DENND10: variants seen among roughly 807,000 people sequenced by gnomAD.
DENND10 encodes the protein DENN domain containing 10.
Under a neutral mutation model 43.6 loss-of-function variants are expected in DENND10, and 24 were observed. That is an observed-to-expected ratio of 0.55 (90% CI 0.40 to 0.77). The LOEUF is 0.77. Ranked by LOEUF, DENND10 falls within the 30% of genes least tolerant of loss-of-function variation. The pLI is 0.00. For missense variants in DENND10, 303 were observed against 429.9 expected, an observed-to-expected ratio of 0.70 and a Z score of 2.61; for synonymous variants, 125 against 157.6, an observed-to-expected ratio of 0.79 and a Z score of 1.55.
Position 119,122,286 on chromosome 10 carries a change from C to T in DENND10, c.594-1183C>T, listed in dbSNP as rs76388503. Among the ~76,000 whole-genome samples the T allele has an allele frequency of 6.0e-3, 920 of 152,178 alleles. 3 individuals are homozygous for T. The highest frequency in any genetic ancestry group is 0.014 in the Middle Eastern group (4 of 294). ...TCACGTCACTGCACCCCAGCCTGGA[C>T]GACGGAGTGAGGCCCTGTCACAGAA... On this transcript the variant is annotated intron_variant, in intron 5 of 8. Transcript: ENST00000361432.
intron 6 of DENND10, among the ~76,000 whole-genome samples, chr10:119,128,048 C>G (rs949999599): frequency 1.3e-5 from 2 of 152,170 alleles, no homozygotes; most frequent in African/African-American, 4.8e-5. Context: ...TGGGATGGCT[C>G]ATGCCTGTAA....
chr10:119,111,756 T>C, intron 2 of DENND10, 93 bp from the exon 3 acceptor site: 1 of 962,230 alleles, frequency 1.0e-6, no homozygotes, highest in Non-Finnish European at 1.6e-6. Flanking sequence ...AATACTGTTG[T>C]GTCTTATACA....
At chr10:119,117,821 GC>G (rs747818257) in intron 4 of DENND10, among the ~76,000 whole-genome samples, 154 bp downstream of exon 4, 8 of 152,100 alleles carry the variant, frequency 5.3e-5, no homozygotes, top group Non-Finnish European at 1.0e-4. Flanking sequence ...CAAAAAATTA[GC>G]CGGGCGTGGT....
chr10:119,129,264 G>C (rs946318625), intron 6 of DENND10, among the ~76,000 whole-genome samples: 1 of 152,204 alleles, frequency 6.6e-6, no homozygotes, highest in African/African-American at 2.4e-5. Flanking sequence ...AGCAATGATT[G>C]GAAAGTAAAT....
intron 3 of DENND10, among the ~76,000 whole-genome samples, chr10:119,116,599 A>C (rs1845285745): frequency 6.6e-6 from 1 of 152,104 alleles, no homozygotes; most frequent in Non-Finnish European, 1.5e-5. Context: ...TCCCAGATGT[A>C]AGGAGATGGC....
At chr10:119,108,995 A>C (rs912114797) in intron 2 of DENND10, among the ~76,000 whole-genome samples, 1 of 151,826 alleles carries the variant, frequency 6.6e-6, no homozygotes, top group Non-Finnish European at 1.5e-5. Context: ...CAGGCGCATC[A>C]CCTGAGGTTG....
At position 119,104,117 on chromosome 10, in the gene DENND10, A is replaced by T; in HGVS notation, c.-26A>T. ...GAGGCCGGTCCTGCAGGCGGCAGCC[A>T]GAGCTGCGCGCCGCGGCGGCGGAAG... On this transcript the variant is annotated 5_prime_UTR_variant, in exon 1 of 9. Transcript: ENST00000361432. 6.7e-7 allele frequency: 1 copy of T among 1,494,030 alleles called. No individual in the cohort carries two copies. The highest frequency in any genetic ancestry group is 2.8e-5 in the East Asian group (1 of 35,538). The allele number at this position is 1,494,030 out of a possible 1,614,324, so 92.5% of individuals were successfully genotyped here.
intron 3 of DENND10, chr10:119,114,150 C>T (rs935614712): frequency 1.3e-5 from 2 of 152,144 alleles, no homozygotes; most frequent in Non-Finnish European, 2.9e-5. Flanking sequence ...TTTCTTCTCC[C>T]GTCACAGTGC....
rs924578031 is a variant in DENND10 at position 119,132,151 on chromosome 10, A to C, written c.803-364A>C. On this transcript the variant is annotated intron_variant, in intron 7 of 8. Coordinates refer to ENST00000361432, the MANE Select transcript of DENND10 (RefSeq NM_207009.4). The surrounding 1 kb of genome is among the most constrained non-coding windows in gnomAD (Gnocchi z 4.2). Reference sequence around the variant, plus strand: ...TTCCCGCCAAAAAGATACATTTCTTAACTGTAAAGAGCTGGACTAGAACGT... The same window carrying C: ...TTCCCGCCAAAAAGATACATTTCTTCACTGTAAAGAGCTGGACTAGAACGT... Among the ~76,000 whole-genome samples, 47 of 152,216 alleles carry C rather than the reference A, an allele frequency of 3.1e-4. No individual in the cohort carries two copies. The highest frequency in any genetic ancestry group is 3.5e-4 in the Non-Finnish European group (24 of 68,046).
intron 6 of DENND10, 30 bp downstream of exon 6, chr10:119,123,599 G>A: frequency 1.6e-6 from 2 of 1,239,234 alleles, no homozygotes; most frequent in Non-Finnish European, 2.3e-6. Flanking sequence ...GGGAGGAACT[G>A]TTTCACTTTT....
intron 8 of DENND10, 88 bp from the exon 9 acceptor site, chr10:119,136,383 G>C: frequency 6.8e-7 from 1 of 1,464,774 alleles, no homozygotes; most frequent in South Asian, 1.3e-5. Context: ...TTTATAAACA[G>C]TCTGGAAAAA....
chr10:119,116,278 C>CATCTAACGTTA (rs1845270899), intron 3 of DENND10, among the ~76,000 whole-genome samples: 1 of 152,102 alleles, frequency 6.6e-6, no homozygotes, highest in Non-Finnish European at 1.5e-5. Flanking sequence ...TTTAACTTGA[C>CATCTAACGTTA]GATGAATGTC....
intron 8 of DENND10, 152 bp from the exon 9 acceptor site, chr10:119,136,319 C>T: frequency 1.2e-6 from 1 of 858,708 alleles, no homozygotes; most frequent in South Asian, 2.0e-5. Flanking sequence ...CCACGGTCTC[C>T]CAAAGTGCTG....
At chr10:119,116,176 GTTGCTCACA>G (rs1370443299) in intron 3 of DENND10, among the ~76,000 whole-genome samples, 1 of 152,174 alleles carries the variant, frequency 6.6e-6, no homozygotes, top group East Asian at 1.9e-4. Flanking sequence ...TTTAATTTTA[GTTGCTCACA>G]GGAAGAGATT....
Position 119,108,476 on chromosome 10 carries a change from C to T in DENND10, c.252+312C>T, listed in dbSNP as rs185119005. Among the ~76,000 whole-genome samples the T allele has an allele frequency of 4.2e-3, 387 of 92,194 alleles. 2 individuals are homozygous for T. Among genetic ancestry groups the T allele is most frequent in the African/African-American group, 0.012 (354 of 29,014 alleles). The allele number at this position is 92,194 out of a possible 152,430, so 60.5% of individuals were successfully genotyped here. A position where few individuals can be genotyped will look rare whatever the true frequency, so the allele number is the denominator to read the frequency against. On this transcript the variant is annotated intron_variant, in intron 2 of 8. Coordinates refer to ENST00000361432, the MANE Select transcript of DENND10 (RefSeq NM_207009.4). ...CCAGCCTGGCGACAGAGCGAGACTCCGTCTCAAAAAAAAAAAAAAAAAGAA... is the reference window on the plus strand; with the variant it reads ...CCAGCCTGGCGACAGAGCGAGACTCTGTCTCAAAAAAAAAAAAAAAAAGAA...
At chr10:119,135,407 A>G (rs560644574) in intron 8 of DENND10, among the ~76,000 whole-genome samples, 3 of 152,318 alleles carry the variant, frequency 2.0e-5, no homozygotes, top group Non-Finnish European at 4.4e-5. Flanking sequence ...TAGTCTTTAT[A>G]TACAGTAGAA....
intron 3 of DENND10, 76 bp downstream of exon 3, chr10:119,112,004 C>A: frequency 9.0e-7 from 1 of 1,105,368 alleles, no homozygotes; most frequent in Non-Finnish European, 1.4e-6. Context: ...GATTTCTACA[C>A]TGAGAAAGCA....
chr10:119,123,414 T>G, intron 5 of DENND10, 55 bp from the exon 6 acceptor site: 15 of 1,292,788 alleles, frequency 1.2e-5, no homozygotes, highest in Non-Finnish European at 1.6e-5. Context: ...GGGGGCAGGC[T>G]GAGTCTTTAA....
At chr10:119,115,225 C>G (rs1446605281) in intron 3 of DENND10, among the ~76,000 whole-genome samples, 2 of 151,990 alleles carry the variant, frequency 1.3e-5, no homozygotes, top group Non-Finnish European at 2.9e-5. Context: ...CCACACAACT[C>G]CCGTGACCTC....
Sources: allele counts gnomAD v4.1 joint callset (sites outside exome capture counted in the v4.1 genomes callset), GRCh38; gene constraint gnomAD v4.1.1; non-coding constraint Gnocchi (gnomAD v3.1); transcripts MANE v1.5; gene names NCBI Gene and HGNC (gene_info 2026-07-23, HGNC 2026-07-21).